Variants in SEC11C observed in about 807,000 individuals in gnomAD.
SEC11C encodes the protein signal peptidase complex catalytic subunit SEC11C.
In SEC11C, 10 loss-of-function variants were observed where a neutral mutation model predicts 21.9. That is an observed-to-expected ratio of 0.46 (90% CI 0.28 to 0.77). The LOEUF is 0.77. Among genes scored for constraint, SEC11C ranks in the 30% least tolerant of loss-of-function variants. The pLI, the probability that SEC11C is intolerant of heterozygous loss-of-function variation, is 0.12. For missense variants in SEC11C, 145 were observed against 244.5 expected (o/e 0.59, Z 2.71); for synonymous variants, 83 against 85.6 (o/e 0.97, Z 0.17).
At chr18:59,140,673 T>G (rs1443100477) in intron 1 of SEC11C, among the ~76,000 whole-genome samples, 3 of 152,194 alleles carry the variant, frequency 2.0e-5, no homozygotes, top group Non-Finnish European at 4.4e-5. Context: ...ATGGCTGCAC[T>G]CTGAATATAG....
In SEC11C at chr18:59,158,745, A is replaced by G. The variant is rs2069448124; in HGVS notation, c.*60A>G. 1 of 1,372,384 alleles carries G rather than the reference A, an allele frequency of 7.3e-7. No individual in the cohort carries two copies. The allele number at this position is 1,372,384 out of a possible 1,614,324, so 85.0% of individuals were successfully genotyped here. A position where few individuals can be genotyped will look rare whatever the true frequency, so the allele number is the denominator to read the frequency against. ...AATTCTGTTGAAAAAGAGAAAAACT[A>G]ATATATTTGAGATGTTCCATTTTCT... On this transcript the variant is annotated 3_prime_UTR_variant, in exon 6 of 6. Transcript: ENST00000587834.
intron 2 of SEC11C, among the ~76,000 whole-genome samples, chr18:59,151,234 A>G (rs753872564): frequency 6.6e-6 from 1 of 152,048 alleles, no homozygotes; most frequent in South Asian, 2.1e-4. Flanking sequence ...TTACTTTTCT[A>G]TCAACATCTT....
chr18:59,146,045 A>C (rs550419665), intron 1 of SEC11C, among the ~76,000 whole-genome samples: 1 of 152,232 alleles, frequency 6.6e-6, no homozygotes, highest in Non-Finnish European at 1.5e-5. Flanking sequence ...GAAGTGGCGC[A>C]TGACCGCCCA....
intron 3 of SEC11C, 186 bp from the exon 4 acceptor site, chr18:59,155,502 A>C: frequency 1.9e-6 from 1 of 520,760 alleles, no homozygotes; most frequent in South Asian, 2.3e-5. Flanking sequence ...CAAAACTGTC[A>C]TTAGATTTGT....
At chr18:59,157,789 A>T (rs754682424) in intron 5 of SEC11C, 124 bp downstream of exon 5, 8 of 661,270 alleles carry the variant, frequency 1.2e-5, no homozygotes, top group Non-Finnish European at 1.9e-5. Context: ...GAATATCTGT[A>T]GTTAACTACA....
Position 59,140,040 on chromosome 18 carries a change from C to T in SEC11C, c.87+5C>T. 1 of 1,580,634 alleles carries T rather than the reference C, an allele frequency of 6.3e-7. No individual in the cohort carries two copies. Among genetic ancestry groups the T allele is most frequent in the Non-Finnish European group, 8.6e-7 (1 of 1,159,704 alleles). ...AAGAAGATGAACAAGCGCCAGGTGA[C>T]GGAGGAGGGTGGTGAGCGCGCCGTG... is the stretch of plus-strand genomic sequence containing the variant. On this transcript the variant is annotated splice_donor_5th_base_variant and intron_variant, in intron 1 of 5. Coordinates refer to ENST00000587834, the MANE Select transcript of SEC11C (RefSeq NM_033280.4).
intron 2 of SEC11C, 34 bp downstream of exon 2, chr18:59,149,656 C>T (rs754009931): frequency 1.7e-5 from 24 of 1,413,964 alleles, no homozygotes; most frequent in Non-Finnish European, 2.4e-5. Context: ...AGCCTCCAAC[C>T]TCCATCACAA....
At chr18:59,144,406 A>T (rs1262674440) in intron 1 of SEC11C, among the ~76,000 whole-genome samples, 1 of 152,178 alleles carries the variant, frequency 6.6e-6, no homozygotes, top group African/African-American at 2.4e-5. Flanking sequence ...ATTAGTATTA[A>T]CAACAACAAT....
At chr18:59,151,223 G>A (rs2069348625) in intron 2 of SEC11C, among the ~76,000 whole-genome samples, 1 of 151,828 alleles carries the variant, frequency 6.6e-6, no homozygotes, top group African/African-American at 2.4e-5. Flanking sequence ...TCCCTTAACC[G>A]TTACTTTTCT....
At chr18:59,148,215 T>C (rs745400293) in intron 1 of SEC11C, among the ~76,000 whole-genome samples, 3 of 152,064 alleles carry the variant, frequency 2.0e-5, no homozygotes, top group South Asian at 2.1e-4. Flanking sequence ...AAGAGGAAGA[T>C]TGAGGCAGGT....
chr18:59,148,494 C>T (rs558092444), intron 1 of SEC11C, among the ~76,000 whole-genome samples: 17 of 152,328 alleles, frequency 1.1e-4, no homozygotes, highest in East Asian at 5.8e-4. Context: ...CTGCAGGGAG[C>T]GAGGCAAGCC....
intron 3 of SEC11C, among the ~76,000 whole-genome samples, chr18:59,153,625 A>G (rs1479310803): frequency 6.6e-6 from 1 of 151,990 alleles, no homozygotes; most frequent in East Asian, 1.9e-4. Context: ...ATCTCTGCTC[A>G]CTGCAACTTC....
chr18:59,151,235 T>C (rs1337513097), intron 2 of SEC11C, among the ~76,000 whole-genome samples: 1 of 152,146 alleles, frequency 6.6e-6, no homozygotes, highest in Non-Finnish European at 1.5e-5. Flanking sequence ...TACTTTTCTA[T>C]CAACATCTTC....
At chr18:59,149,461 G>T in intron 1 of SEC11C, 52 bp from the exon 2 acceptor site, 2 of 1,186,660 alleles carry the variant, frequency 1.7e-6, no homozygotes, top group Non-Finnish European at 1.3e-6. Context: ...TTCACAGGTT[G>T]GTGGATCTTC....
At position 59,147,534 on chromosome 18, in the gene SEC11C, G is replaced by A. The variant is rs566038850; in HGVS notation, c.88-1979G>A. 93 of 152,542 alleles carry A rather than the reference G, an allele frequency of 6.1e-4. 1 individual carries two copies. Among genetic ancestry groups the A allele is most frequent in the African/African-American group, 2.2e-3 (93 of 41,594 alleles). 9.4% of individuals were successfully genotyped at this position (152,542 alleles called of 1,614,324 possible). Reference sequence around the variant, plus strand: ...GCCAAATACTAGAAGCTGGAAAACAGATGGAAGAATGGGAACTGGCACAGC... The same window carrying A: ...GCCAAATACTAGAAGCTGGAAAACAAATGGAAGAATGGGAACTGGCACAGC... On this transcript the variant is annotated intron_variant, in intron 1 of 5. Transcript: ENST00000587834.
chr18:59,140,098 G>T, intron 1 of SEC11C, 63 bp downstream of exon 1: 1 of 1,418,082 alleles, frequency 7.1e-7, no homozygotes, highest in South Asian at 1.4e-5. Flanking sequence ...GGGAGTCGGG[G>T]CTTCCCAGTC....
rs1212685241 is a variant in SEC11C, at chr18:59,153,644, G to A, written c.347+959G>A. On this transcript the variant is annotated intron_variant, in intron 3 of 5. Coordinates refer to ENST00000587834, the MANE Select transcript of SEC11C (RefSeq NM_033280.4). ...CTGCTCACTGCAACTTCCGCCTCCCGGGTTCAAGCGATTCTTCTGCCCCAG... is the reference window on the plus strand; with the variant it reads ...CTGCTCACTGCAACTTCCGCCTCCCAGGTTCAAGCGATTCTTCTGCCCCAG... Among the ~76,000 whole-genome samples the A allele has an allele frequency of 3.9e-5, 6 of 152,142 alleles. No individual in the cohort carries two copies. The East Asian group carries it at 1.2e-3, about 29-fold the overall frequency.
At chr18:59,145,591 A>T (rs2069265172) in intron 1 of SEC11C, among the ~76,000 whole-genome samples, 1 of 152,168 alleles carries the variant, frequency 6.6e-6, no homozygotes, top group Non-Finnish European at 1.5e-5. Context: ...CTGCAGGGTT[A>T]TATCAGACAG....
intron 5 of SEC11C, among the ~76,000 whole-genome samples, chr18:59,157,986 A>ATC (rs141922256): frequency 5.3e-5 from 8 of 151,678 alleles, no homozygotes; most frequent in South Asian, 4.2e-4. Flanking sequence ...CAAAAATGGT[A>ATC]TCTCTCTCTC....
Sources: gnomAD v4.1 joint callset for allele counts (sites outside exome capture counted in the v4.1 genomes callset) on GRCh38, gnomAD v4.1.1 for gene constraint, MANE v1.5 for transcripts, NCBI Gene and HGNC (gene_info 2026-07-23, HGNC 2026-07-21) for gene names.